The following TSHZ3 variants were observed in gnomAD, a reference collection of about 807,000 sequenced individuals.
TSHZ3 encodes teashirt homolog 3.
Under a neutral mutation model 64.5 loss-of-function variants are expected in TSHZ3, and 10 were observed. The observed-to-expected ratio is 0.16, with a 90% CI of 0.10 to 0.26. The LOEUF is 0.26. Ranked by LOEUF, TSHZ3 falls within the 10% of genes least tolerant of loss-of-function variation. The probability of loss-of-function intolerance (pLI) is 1.00; values close to 1 mark genes in which losing one functional copy is unlikely to be tolerated. For synonymous variants in TSHZ3, 608 were observed against 593.1 expected, an observed-to-expected ratio of 1.03 and a Z score of -0.36; for missense variants, 1,242 against 1,421.7, an observed-to-expected ratio of 0.87 and a Z score of 2.03.
intron 1 of TSHZ3, among the ~76,000 whole-genome samples, chr19:31,311,069 A>ACC (rs1916443535): frequency 2.0e-5 from 3 of 152,194 alleles, no homozygotes; most frequent in Non-Finnish European, 4.4e-5. Flanking sequence ...GCCACCTGGT[A>ACC]AGGTGGCAGC....
intron 5 of TSHZ3, among the ~76,000 whole-genome samples, chr19:31,164,045 G>A (rs1473723091): frequency 6.6e-6 from 1 of 152,158 alleles, no homozygotes; most frequent in African/African-American, 2.4e-5. Context: ...GCAGGTGGTC[G>A]AGCTGGGAGT....
intron 5 of TSHZ3, among the ~76,000 whole-genome samples, chr19:31,179,464 T>C (rs1974664850): frequency 6.6e-6 from 1 of 152,160 alleles, no homozygotes; most frequent in African/African-American, 2.4e-5. Context: ...GAAGTCCACA[T>C]TGGTCAGCTT....
At chr19:31,209,592 C>G (rs1245680821) in intron 4 of TSHZ3, among the ~76,000 whole-genome samples, 2 of 152,176 alleles carry the variant, frequency 1.3e-5, no homozygotes, top group Non-Finnish European at 2.9e-5. Flanking sequence ...GTTCAATAAG[C>G]ATTAATGATC....
chr19:31,272,803 T>C (rs1976161089), downstream of TSHZ3, among the ~76,000 whole-genome samples: 1 of 152,160 alleles, frequency 6.6e-6, no homozygotes, highest in Non-Finnish European at 1.5e-5. Context: ...GGTCGGAAGA[T>C]ATACAGTAGG....
intron 1 of TSHZ3, among the ~76,000 whole-genome samples, chr19:31,261,401 G>C (rs947454508): frequency 2.0e-5 from 3 of 152,274 alleles, no homozygotes; most frequent in Non-Finnish European, 4.4e-5. Flanking sequence ...AAGCCCGAGG[G>C]GTGGCCTTGG....
intron 4 of TSHZ3, among the ~76,000 whole-genome samples, chr19:31,223,651 G>C (rs555830471): frequency 4.6e-5 from 7 of 152,236 alleles, no homozygotes; most frequent in African/African-American, 1.7e-4. Flanking sequence ...GTCAAACAAA[G>C]TTTATAAGGT....
intron 5 of TSHZ3, among the ~76,000 whole-genome samples, chr19:31,158,132 A>G (rs1172805407): frequency 6.6e-6 from 1 of 152,212 alleles, no homozygotes; most frequent in Non-Finnish European, 1.5e-5. Context: ...CCACTTAAAA[A>G]TGTGAGATTT....
At chr19:31,200,704 A>G (rs1975070306) in intron 5 of TSHZ3, among the ~76,000 whole-genome samples, 2 of 152,142 alleles carry the variant, frequency 1.3e-5, no homozygotes, top group South Asian at 2.1e-4. Context: ...CCAAGAGTGA[A>G]CCCTCATGTA....
At chr19:31,317,125 T>C (rs1051597184) in intron 1 of TSHZ3, among the ~76,000 whole-genome samples, 5 of 152,136 alleles carry the variant, frequency 3.3e-5, no homozygotes, top group Non-Finnish European at 7.4e-5. Flanking sequence ...TTCTCCAGGA[T>C]TTTTTTCATC....
chr19:31,184,698 T>C (rs1295061505), intron 5 of TSHZ3, among the ~76,000 whole-genome samples: 1 of 152,350 alleles, frequency 6.6e-6, no homozygotes, highest in African/African-American at 2.4e-5. Flanking sequence ...TGCAGAGTTT[T>C]GCTATTTTCC....
chr19:31,197,391 C>G (rs1207786380), intron 5 of TSHZ3, among the ~76,000 whole-genome samples: 1 of 149,922 alleles, frequency 6.7e-6, no homozygotes, highest in Non-Finnish European at 1.5e-5. Flanking sequence ...ATCTAGGCTT[C>G]CATTAGAGAA....
intron 1 of TSHZ3, among the ~76,000 whole-genome samples, chr19:31,322,209 T>A (rs558400823): frequency 6.6e-6 from 1 of 152,146 alleles, no homozygotes; most frequent in African/African-American, 2.4e-5. Flanking sequence ...AATCTTGGCC[T>A]ATTGCAATCT....
chr19:31,334,920 C>T (rs1917200157), intron 1 of TSHZ3, among the ~76,000 whole-genome samples: 2 of 152,162 alleles, frequency 1.3e-5, no homozygotes, highest in South Asian at 2.1e-4. Flanking sequence ...AAGCAATCAT[C>T]ATCCCTTCTT....
chr19:31,175,725 C>A (rs546454893), intron 5 of TSHZ3, among the ~76,000 whole-genome samples: 5 of 152,104 alleles, frequency 3.3e-5, no homozygotes, highest in African/African-American at 1.2e-4. Context: ...TCAGATGGAA[C>A]AGCTGTGTGT....
rs867894716 is a variant in TSHZ3 at position 31,341,625 on chromosome 19, T to C, written c.40+7555A>G. Among the ~76,000 whole-genome samples the C allele has an allele frequency of 6.3e-3, 831 of 131,324 alleles. 9 individuals carry two copies. The highest frequency in any genetic ancestry group is 0.024 in the African/African-American group (776 of 32,408). 86.2% of individuals were successfully genotyped at this position (131,324 alleles called of 152,430 possible). A position where few individuals can be genotyped will look rare whatever the true frequency, so the allele number is the denominator to read the frequency against. On this transcript the variant is annotated intron_variant, in intron 1 of 1. Coordinates refer to ENST00000240587, the MANE Select transcript of TSHZ3 (RefSeq NM_020856.4). ...CATGCACTCACTCTCTCTCTCTCTC[T>C]CTCTGACACACACACACACACACAC...
chr19:31,339,246 G>A (rs1917352609), intron 1 of TSHZ3, among the ~76,000 whole-genome samples: 1 of 151,374 alleles, frequency 6.6e-6, no homozygotes, highest in South Asian at 2.1e-4. Context: ...GCAGGGAAAA[G>A]AGAAAAGGAA....
At chr19:31,188,047 A>G (rs898787511) in intron 5 of TSHZ3, among the ~76,000 whole-genome samples, 4 of 152,058 alleles carry the variant, frequency 2.6e-5, no homozygotes, top group African/African-American at 9.7e-5. Flanking sequence ...AACATGGTAT[A>G]TATCTCTTCA....
At chr19:31,258,285 G>A (rs533283296) in intron 1 of TSHZ3, among the ~76,000 whole-genome samples, 1 of 152,154 alleles carries the variant, frequency 6.6e-6, no homozygotes, top group Admixed American at 6.5e-5. Flanking sequence ...CTCAAGTTTT[G>A]GACAAAGCTC....
rs371022527 is a variant in TSHZ3 at position 31,311,966 on chromosome 19, C to T, written c.41-32214G>A. ...CTCGAACTCCTGACCTCCAGTGATC[C>T]GCCCGCCTCAACCTCCCAAAGTGCT... On this transcript the variant is annotated intron_variant, in intron 1 of 1. Coordinates refer to ENST00000240587, the MANE Select transcript of TSHZ3 (RefSeq NM_020856.4). Among the ~76,000 whole-genome samples, 9 of 152,212 alleles carry T rather than the reference C, an allele frequency of 5.9e-5. No homozygotes were observed. In the East Asian group the frequency reaches 1.4e-3, roughly 23 times the overall value.
Sources: gnomAD v4.1 joint callset for allele counts (sites outside exome capture counted in the v4.1 genomes callset) on GRCh38, gnomAD v4.1.1 for gene constraint, MANE v1.5 for transcripts, NCBI Gene and HGNC (gene_info 2026-07-23, HGNC 2026-07-21) for gene names.